The following PCDHA7 variants were observed in gnomAD, a reference collection of about 807,000 sequenced individuals.
PCDHA7 encodes protocadherin alpha 7, also known as protocadherin alpha-7.
A neutral mutation model predicts 57.2 loss-of-function variants in PCDHA7; 37 were observed. The observed-to-expected ratio is 0.65, with a 90% CI of 0.50 to 0.85. The LOEUF (loss-of-function observed/expected upper bound fraction) is 0.85. Among genes scored for constraint, PCDHA7 ranks in the 40% least tolerant of loss-of-function variants. The pLI is 0.00. For synonymous variants in PCDHA7, 553 were observed against 558.8 expected, an observed-to-expected ratio of 0.99 and a Z score of 0.15; for missense variants, 1,188 against 1,241.8, an observed-to-expected ratio of 0.96 and a Z score of 0.65.
At position 141,000,421 on chromosome 5, in the gene PCDHA7, A is replaced by ATTTTTT. The variant is rs34755515; in HGVS notation, c.2504-9188_2504-9183dup. On this transcript the variant is annotated intron_variant, in intron 3 of 3. Coordinates refer to ENST00000525929, the MANE Select transcript of PCDHA7 (RefSeq NM_018910.3). ...TATATATATATATATATATATATAT[A>ATTTTTT]TTTTTTTTTTTTTTTTTTTTTTTGA... 3.2e-4 allele frequency among the ~76,000 whole-genome samples: 9 copies of ATTTTTT among 27,978 alleles called. 1 individual carries two copies. The highest frequency in any genetic ancestry group is 5.3e-4 in the African/African-American group (3 of 5,638). 18.4% of individuals were successfully genotyped at this position (27,978 alleles called of 152,430 possible).
chr5:140,975,983 T>A (rs975014640), intron 1 of PCDHA7, among the ~76,000 whole-genome samples: 31 of 152,290 alleles, frequency 2.0e-4, no homozygotes, highest in Admixed American at 2.0e-3. Flanking sequence ...AGCATAGTCC[T>A]GGGAGGTACC....
At chr5:140,947,362 C>T (rs1378703066) in intron 1 of PCDHA7, among the ~76,000 whole-genome samples, 2 of 151,632 alleles carry the variant, frequency 1.3e-5, no homozygotes, top group Admixed American at 6.6e-5. Context: ...TATTTCACTC[C>T]TTTGATCTAT....
intron 1 of PCDHA7, among the ~76,000 whole-genome samples, chr5:140,976,553 A>G (rs1554237789): frequency 1.3e-5 from 2 of 152,074 alleles, no homozygotes; most frequent in Non-Finnish European, 2.9e-5. Context: ...CCTATCTCAT[A>G]AATAAATAAA....
At chr5:140,854,140 T>A (rs251357) in intron 1 of PCDHA7, 2 of 418,878 alleles carry the variant, frequency 4.8e-6, no homozygotes, top group Non-Finnish European at 3.0e-6. Flanking sequence ...TCAGCCCGGG[T>A]GACAGCAAGA....
At chr5:140,849,104 A>G in intron 1 of PCDHA7, 1 of 1,463,110 alleles carries the variant, frequency 6.8e-7, no homozygotes, top group Non-Finnish European at 9.3e-7. Flanking sequence ...TAGACAGAGA[A>G]GAAACTCCGG....
At position 141,010,198 on chromosome 5, in the gene PCDHA7, C is replaced by T; in HGVS notation, c.*261C>T. ...AAAGCAGACCCAAGTTTCCTTTCTC[C>T]TCCGCCGCAAAGGAGAGGCTTCCCA... On this transcript the variant is annotated 3_prime_UTR_variant, in exon 4 of 4. Transcript: ENST00000525929. The T allele has an allele frequency of 6.4e-7, 1 of 1,552,138 alleles. No homozygotes were observed. The highest frequency in any genetic ancestry group is 1.4e-5 in the African/African-American group (1 of 73,154).
chr5:140,882,120 C>G, intron 1 of PCDHA7: 4 of 1,448,936 alleles, frequency 2.8e-6, no homozygotes. Flanking sequence ...GCCGCCGTTT[C>G]TTTCTTCCTG....
intron 3 of PCDHA7, among the ~76,000 whole-genome samples, chr5:141,000,386 T>A (rs1394092081): frequency 5.6e-4 from 37 of 66,542 alleles, no homozygotes; most frequent in African/African-American, 2.4e-3. Flanking sequence ...TCTCTCTCTC[T>A]CTCTCTCTCT....
At chr5:140,966,695 C>A in intron 1 of PCDHA7, 1 of 1,358,486 alleles carries the variant, frequency 7.4e-7, no homozygotes, top group Non-Finnish European at 9.5e-7. Flanking sequence ...AGGCGGGGCC[C>A]GGGCGTGGGG....
chr5:141,006,224 T>A (rs1265190589), intron 3 of PCDHA7, among the ~76,000 whole-genome samples: 1 of 152,072 alleles, frequency 6.6e-6, no homozygotes, highest in African/African-American at 2.4e-5. Flanking sequence ...TTAAATTTTT[T>A]ATTTTTAGAT....
At chr5:140,861,849 T>G (rs2047107514) in intron 1 of PCDHA7, 1 of 156,218 alleles carries the variant, frequency 6.4e-6, no homozygotes, top group Non-Finnish European at 1.4e-5. Flanking sequence ...CTACTCTTGG[T>G]GCTCAAAGCA....
chr5:140,856,497 G>T (rs782069130), intron 1 of PCDHA7: 1 of 1,598,346 alleles, frequency 6.3e-7, no homozygotes. Flanking sequence ...CTTGACTCTC[G>T]ATTTCCACTA....
chr5:140,921,129 C>T (rs998046424), intron 1 of PCDHA7, among the ~76,000 whole-genome samples: 1 of 139,232 alleles, frequency 7.2e-6, no homozygotes, highest in South Asian at 2.4e-4. Context: ...TACAGGTGCA[C>T]ACCACTACAC....
Position 140,836,425 on chromosome 5 carries a change from G to T in PCDHA7, c.2042G>T (p.Arg681Leu), listed in dbSNP as rs2150260582. ...ESGQAPKASS[R>L]ASLGIAGPET... ...GGCCAGGCACCAAAGGCGTCGTCGCGGGCATCGTTGGGCATTGCAGGCCCA... is the reference window on the plus strand; with the variant it reads ...GGCCAGGCACCAAAGGCGTCGTCGCTGGCATCGTTGGGCATTGCAGGCCCA... Residue 681 changes from arginine to leucine, a missense_variant, in exon 1 of 4, where the codon CGG becomes CTG. Around this residue, in one of 3 missense-constraint regions of PCDHA7, gnomAD observed 892 missense variants for 788.5 expected, o/e 1.13. Transcript: ENST00000525929. 2.5e-6 allele frequency: 4 copies of T among 1,613,790 alleles called. No homozygotes were observed. Among genetic ancestry groups the T allele is most frequent in the African/African-American group, 1.3e-5 (1 of 74,956 alleles).
Position 140,944,942 on chromosome 5 carries a change from T to C in PCDHA7, c.2356-34007T>C, listed in dbSNP as rs564740183. Among the ~76,000 whole-genome samples the C allele has an allele frequency of 2.0e-4, 31 of 152,326 alleles. No individual in the cohort carries two copies. The South Asian group carries it at 3.7e-3, about 18-fold the overall frequency. On this transcript the variant is annotated intron_variant, in intron 1 of 3. Coordinates refer to ENST00000525929, the MANE Select transcript of PCDHA7 (RefSeq NM_018910.3). ...ATTGGTTTATGCCTTCTTTAGATGATTGTGAATAAGAGTATTATCTTAACC... is the reference window on the plus strand; with the variant it reads ...ATTGGTTTATGCCTTCTTTAGATGACTGTGAATAAGAGTATTATCTTAACC...
intron 2 of PCDHA7, among the ~76,000 whole-genome samples, chr5:140,981,928 T>A (rs141616160): frequency 6.6e-6 from 1 of 152,202 alleles, no homozygotes; most frequent in African/African-American, 2.4e-5. Context: ...GTTTCTCTAG[T>A]CTCAGGAAAT....
intron 3 of PCDHA7, among the ~76,000 whole-genome samples, chr5:140,983,631 C>T (rs1336337529): frequency 2.0e-5 from 3 of 152,134 alleles, no homozygotes; most frequent in African/African-American, 7.2e-5. Context: ...AAGAAATGTA[C>T]CCAAGTTCAC....
chr5:140,970,527 ATG>A (rs1270257257), intron 1 of PCDHA7, among the ~76,000 whole-genome samples: 2 of 151,436 alleles, frequency 1.3e-5, no homozygotes, highest in African/African-American at 4.9e-5. Context: ...GTAGATGAAT[ATG>A]TGTGTGTGTT....
chr5:140,962,127 G>A (rs1198076557), intron 1 of PCDHA7, among the ~76,000 whole-genome samples: 1 of 151,934 alleles, frequency 6.6e-6, no homozygotes, highest in East Asian at 1.9e-4. Flanking sequence ...CCTTGGCCTC[G>A]GCCTCCCAAA....
Sources: gnomAD v4.1 joint callset for allele counts (sites outside exome capture counted in the v4.1 genomes callset) on GRCh38, gnomAD v4.1.1 for gene constraint, gnomAD v4.1.1 regional missense constraint, MANE v1.5 for transcripts, NCBI Gene and HGNC (gene_info 2026-07-23, HGNC 2026-07-21) for gene names.